The following TRIM69 variants were observed in gnomAD, a reference collection of about 807,000 sequenced individuals.
TRIM69 encodes tripartite motif containing 69, also known as E3 ubiquitin-protein ligase TRIM69.
TRIM69 carries 29 observed loss-of-function variants against 37.7 expected under a neutral mutation model. That is an observed-to-expected ratio of 0.77 (90% CI 0.57 to 1.05). TRIM69 has a LOEUF of 1.05. Ranked by LOEUF, TRIM69 falls within the 50% of genes least tolerant of loss-of-function variation. The pLI is 0.00. For missense variants in TRIM69, 596 were observed against 579.9 expected (o/e 1.03, Z -0.28); for synonymous variants, 209 against 212.4 (o/e 0.98, Z 0.14).
Position 44,756,365 on chromosome 15 carries a change from C to T in TRIM69, c.484-3C>T, listed in dbSNP as rs1207893971. The stretch of plus-strand genomic sequence containing the variant: ...CTGGGTTAATTCTATTTGATATTCC[C>T]AGGAGGAGCTTGCCATCCAACAGGG... On this transcript the variant is annotated splice_polypyrimidine_tract_variant and splice_region_variant and intron_variant, in intron 2 of 6. Coordinates refer to ENST00000329464, the MANE Select transcript of TRIM69 (RefSeq NM_182985.5). The T allele has an allele frequency of 1.9e-6, 3 of 1,545,978 alleles. No homozygotes were observed. The highest frequency in any genetic ancestry group is 1.8e-6 in the Non-Finnish European group (2 of 1,142,826).
chr15:44,759,028 A>C lies in TRIM69; in HGVS notation c.813+174A>C, dbSNP rs1805298965. The stretch of plus-strand genomic sequence containing the variant: ...AGAAAAGGAGGAGGCTGCTTCAGCT[A>C]TACGCACAGCAGAAAGCTTTACTTT... On this transcript the variant is annotated intron_variant, in intron 4 of 6. Coordinates refer to ENST00000329464, the MANE Select transcript of TRIM69 (RefSeq NM_182985.5). 2.0e-5 allele frequency among the ~76,000 whole-genome samples: 3 copies of C among 152,362 alleles called. No homozygotes were observed. The South Asian group carries it at 6.2e-4, about 32-fold the overall frequency.
chr15:44,749,022 A>G (rs1200135451), intron 1 of TRIM69, among the ~76,000 whole-genome samples: 1 of 151,698 alleles, frequency 6.6e-6, no homozygotes, highest in Non-Finnish European at 1.5e-5. Context: ...CCGGGATTAC[A>G]GGCACGTGAC....
At chr15:44,760,036 A>G (rs555161732) in intron 6 of TRIM69, among the ~76,000 whole-genome samples, 164 bp downstream of exon 6, 1 of 152,340 alleles carries the variant, frequency 6.6e-6, no homozygotes, top group East Asian at 1.9e-4. Flanking sequence ...TTCTAGTACC[A>G]TGACCTAAGA....
chr15:44,767,228 T>C lies in TRIM69; in HGVS notation c.962-3T>C. 1 of 1,609,492 alleles carries C rather than the reference T, an allele frequency of 6.2e-7. No homozygotes were observed. The highest frequency in any genetic ancestry group is 1.7e-4 in the Middle Eastern group (1 of 6,016). Reference sequence around the variant, plus strand: ...GCTCTGCTTTCTTTTATTTTCTTACTAGGCCTGTCTCCACTAACTCTGGAC... The same window carrying C: ...GCTCTGCTTTCTTTTATTTTCTTACCAGGCCTGTCTCCACTAACTCTGGAC... On this transcript the variant is annotated splice_polypyrimidine_tract_variant and splice_region_variant and intron_variant, in intron 6 of 6. Transcript: ENST00000329464.
chr15:44,755,039 G>C lies in TRIM69; in HGVS notation c.146G>C (p.Arg49Pro). The change falls in exon 2 of 7, where the codon CGA (arginine) becomes CCA (proline). Residue 49 changes from arginine to proline, a missense_variant. Physicochemically the swap from Arg to Pro is moderately radical, Grantham distance 103. Transcript: ENST00000329464. ...LHCPLCNDWF[R>P]DPLMLSCGHN... ...TGCCCTCTGTGCAATGATTGGTTCC[G>C]AGACCCACTGATGCTAAGCTGTGGC... 6.2e-7 allele frequency: 1 copy of C among 1,614,178 alleles called. No individual in the cohort carries two copies. The highest frequency in any genetic ancestry group is 1.1e-5 in the South Asian group (1 of 91,076).
chr15:44,761,794 C>T (rs559440958), intron 6 of TRIM69, among the ~76,000 whole-genome samples: 2 of 152,204 alleles, frequency 1.3e-5, no homozygotes, highest in South Asian at 2.1e-4. Context: ...TCCTGTTGAG[C>T]GTCCTTTCAG....
In TRIM69 at chr15:44,755,250, A is replaced by G. The variant is rs773893369; in HGVS notation, c.357A>G (p.Gly119=). ...LKGHPQCPEH[G]ENLKLFSKPD... ...GCCATCCACAGTGCCCAGAGCATGG[A>G]GAGAACCTGAAACTGTTCAGTAAAC... The change falls in exon 2 of 7, where the codon GGA becomes GGG. Residue 119 remains glycine (G), a synonymous_variant. Transcript: ENST00000329464. 6.2e-7 allele frequency: 1 copy of G among 1,614,200 alleles called. No individual in the cohort carries two copies. The highest frequency in any genetic ancestry group is 8.5e-7 in the Non-Finnish European group (1 of 1,180,032).
At chr15:44,744,047 G>A (rs1190622316) in intron 1 of TRIM69, among the ~76,000 whole-genome samples, 5 of 151,888 alleles carry the variant, frequency 3.3e-5, no homozygotes, top group Non-Finnish European at 7.4e-5. Flanking sequence ...CAAAGACTTG[G>A]AACCAACCCA....
At chr15:44,736,971 C>T (rs2087175487) in intron 1 of TRIM69, among the ~76,000 whole-genome samples, 1 of 152,158 alleles carries the variant, frequency 6.6e-6, no homozygotes, top group Admixed American at 6.5e-5. Context: ...ATACAATTTA[C>T]TTTCATTATC....
In TRIM69 at chr15:44,755,226, C is replaced by T. The variant is rs1308502824; in HGVS notation, c.333C>T (p.Gly111=). Reference sequence around the variant, plus strand: ...TTAAGAAGTTACCCTTACTCAAGGGCCATCCACAGTGCCCAGAGCATGGAG... The same window carrying T: ...TTAAGAAGTTACCCTTACTCAAGGGTCATCCACAGTGCCCAGAGCATGGAG... ...EKIKKLPLLK[G]HPQCPEHGEN... The change falls in exon 2 of 7, where the codon GGC becomes GGT. Residue 111 remains glycine, a synonymous_variant. Transcript: ENST00000329464. The T allele has an allele frequency of 1.9e-6, 3 of 1,614,184 alleles. No homozygotes were observed. The highest frequency in any genetic ancestry group is 1.7e-5 in the Admixed American group (1 of 60,030).
intron 3 of TRIM69, chr15:44,757,068 G>C (rs2087666039): frequency 6.6e-6 from 1 of 152,204 alleles, no homozygotes; most frequent in South Asian, 2.1e-4. Context: ...CTATGGAGAA[G>C]AGCCTTCTCA....
chr15:44,737,172 G>A (rs2087180132), intron 1 of TRIM69, among the ~76,000 whole-genome samples: 1 of 152,054 alleles, frequency 6.6e-6, no homozygotes, highest in Admixed American at 6.6e-5. Context: ...TGAACTTAGT[G>A]TTTTCCTGAT....
At position 44,736,583 on chromosome 15, in the gene TRIM69, A is replaced by G. The variant is rs1367741722; in HGVS notation, c.-122A>G. The G allele has an allele frequency of 1.7e-6, 2 of 1,191,312 alleles. No individual in the cohort carries two copies. Among genetic ancestry groups the G allele is most frequent in the Non-Finnish European group, 1.2e-6 (1 of 852,634 alleles). 73.8% of individuals were successfully genotyped at this position (1,191,312 alleles called of 1,614,324 possible). A position where few individuals can be genotyped will look rare whatever the true frequency, so the allele number is the denominator to read the frequency against. ...CAGCTCCTGAACTTTTCTTTCTTCC[A>G]TCATGCTCTGAGCCCATTCCTTGAA... is the stretch of plus-strand genomic sequence containing the variant. On this transcript the variant is annotated 5_prime_UTR_variant, in exon 1 of 7. Coordinates refer to ENST00000329464, the MANE Select transcript of TRIM69 (RefSeq NM_182985.5).
intron 1 of TRIM69, among the ~76,000 whole-genome samples, chr15:44,739,127 C>A (rs189548175): frequency 6.6e-6 from 1 of 152,274 alleles, no homozygotes; most frequent in African/African-American, 2.4e-5. Flanking sequence ...AATTCCAGAA[C>A]ATTTTCATTA....
chr15:44,750,139 A>G (rs1441960683), intron 1 of TRIM69, among the ~76,000 whole-genome samples: 2 of 152,214 alleles, frequency 1.3e-5, no homozygotes, highest in Admixed American at 6.5e-5. Flanking sequence ...TATCTGGTAT[A>G]GGATTTGCAA....
chr15:44,748,256 G>T (rs559357045), intron 1 of TRIM69, among the ~76,000 whole-genome samples: 53 of 152,306 alleles, frequency 3.5e-4, no homozygotes, highest in Non-Finnish European at 4.4e-5. Context: ...GGGACTTCTA[G>T]TTGCACTTTG....
chr15:44,762,754 A>G (rs2444009), intron 6 of TRIM69, among the ~76,000 whole-genome samples: 119,206 of 151,870 alleles, frequency 0.78, 47,340 homozygotes, highest in Middle Eastern at 0.85. Context: ...CTTCCTCTAC[A>G]TTCTTGAAAA....
intron 6 of TRIM69, among the ~76,000 whole-genome samples, chr15:44,760,283 C>T (rs980110637): frequency 2.0e-5 from 3 of 152,090 alleles, no homozygotes; most frequent in Non-Finnish European, 4.4e-5. Context: ...TAGCGTAGAA[C>T]ATTTTAGAAG....
intron 4 of TRIM69, 108 bp downstream of exon 4, chr15:44,758,962 A>T: frequency 1.5e-6 from 2 of 1,333,470 alleles, no homozygotes; most frequent in South Asian, 2.9e-5. Context: ...AACAAAACAA[A>T]ACAAAACAAA....
Sources: gnomAD v4.1 joint callset for allele counts (sites outside exome capture counted in the v4.1 genomes callset) on GRCh38, gnomAD v4.1.1 for gene constraint, MANE v1.5 for transcripts, NCBI Gene and HGNC (gene_info 2026-07-23, HGNC 2026-07-21) for gene names.